The following TENM2 variants were observed in gnomAD, a reference collection of about 807,000 sequenced individuals.
The protein encoded by TENM2 is teneurin transmembrane protein 2.
TENM2 carries 52 observed loss-of-function variants against 245.2 expected under a neutral mutation model. That is an observed-to-expected ratio of 0.21 (90% CI 0.17 to 0.27). TENM2 has a LOEUF of 0.27. Ranked by LOEUF, TENM2 falls within the 10% of genes least tolerant of loss-of-function variation. The pLI, the probability that TENM2 is intolerant of heterozygous loss-of-function variation, is 1.00. For missense variants in TENM2, 3,046 were observed against 3,666.8 expected (o/e 0.83, Z 4.37); for synonymous variants, 1,363 against 1,438.9 (o/e 0.95, Z 1.19).
chr5:168,059,897 T>C (rs1316356967), intron 6 of TENM2, among the ~76,000 whole-genome samples: 2 of 152,136 alleles, frequency 1.3e-5, no homozygotes, highest in Admixed American at 6.5e-5. Context: ...TAAAACCTTA[T>C]AACAATCCTG....
intron 2 of TENM2, among the ~76,000 whole-genome samples, chr5:167,431,339 G>A (rs1482858877): frequency 1.3e-5 from 2 of 152,114 alleles, no homozygotes; most frequent in African/African-American, 4.8e-5. Context: ...CCATATTTAG[G>A]TTGATAGCAA....
intron 7 of TENM2, among the ~76,000 whole-genome samples, chr5:168,078,569 T>C (rs369215708): frequency 1.3e-5 from 2 of 152,148 alleles, no homozygotes; most frequent in Non-Finnish European, 2.9e-5. Flanking sequence ...TTAGGTCTAA[T>C]ATTTAAGTCT....
chr5:168,084,414 G>A (rs966052477), intron 7 of TENM2, among the ~76,000 whole-genome samples: 1 of 152,222 alleles, frequency 6.6e-6, no homozygotes, highest in Non-Finnish European at 1.5e-5. Flanking sequence ...AGCCATGCCA[G>A]CATGTTGTTT....
chr5:167,320,867 T>A (rs1245931617), intron 1 of TENM2, among the ~76,000 whole-genome samples: 3 of 152,200 alleles, frequency 2.0e-5, no homozygotes, highest in Non-Finnish European at 4.4e-5. Flanking sequence ...GACAACTTAT[T>A]TTTTATGGTT....
At chr5:167,741,863 T>C (rs913197773) in intron 2 of TENM2, among the ~76,000 whole-genome samples, 9 of 152,166 alleles carry the variant, frequency 5.9e-5, no homozygotes, top group Admixed American at 5.9e-4. Context: ...CACCTGTTAT[T>C]ATTTCTAGAA....
intron 2 of TENM2, among the ~76,000 whole-genome samples, chr5:167,629,432 T>C (rs759917875): frequency 2.6e-4 from 39 of 152,236 alleles, no homozygotes; most frequent in Non-Finnish European, 4.7e-4. Flanking sequence ...TTATTTATTA[T>C]GTCTATAAAA....
chr5:167,619,145 G>C (rs1243828822), intron 2 of TENM2, among the ~76,000 whole-genome samples: 2 of 151,896 alleles, frequency 1.3e-5, no homozygotes, highest in African/African-American at 4.8e-5. Flanking sequence ...TCTTTTGCTT[G>C]GTTTTTGTTT....
intron 2 of TENM2, among the ~76,000 whole-genome samples, chr5:167,653,010 T>C (rs117651560): frequency 1.3e-5 from 2 of 152,290 alleles, no homozygotes; most frequent in East Asian, 1.9e-4. Flanking sequence ...TTACTGCTTT[T>C]CATATATTAT....
intron 2 of TENM2, among the ~76,000 whole-genome samples, chr5:167,518,895 G>C (rs535395845): frequency 6.6e-6 from 1 of 152,258 alleles, no homozygotes; most frequent in South Asian, 2.1e-4. Context: ...AGAATCTTAT[G>C]TGTAGGCAGT....
At chr5:167,227,369 G>T in the TENM2 span, among the ~76,000 whole-genome samples, 1 of 152,126 alleles carries the variant, frequency 6.6e-6, no homozygotes, top group South Asian at 2.1e-4. Flanking sequence ...TTATACTTTT[G>T]TGTGTTTTCA....
chr5:167,703,005 C>G (rs1487994758), intron 2 of TENM2, among the ~76,000 whole-genome samples: 2 of 152,170 alleles, frequency 1.3e-5, no homozygotes, highest in African/African-American at 4.8e-5. Flanking sequence ...CACACACAAC[C>G]TCTCTCCCTC....
At chr5:168,248,396 G>A (rs962805539) in intron 27 of TENM2, 25 bp downstream of exon 29, 4 of 1,597,664 alleles carry the variant, frequency 2.5e-6, no homozygotes, top group Non-Finnish European at 2.6e-6. Context: ...ACCAAAGGTG[G>A]GCAGTGGCTC....
intron 1 of TENM2, among the ~76,000 whole-genome samples, chr5:167,307,440 A>G (rs1021437575): frequency 6.6e-6 from 1 of 152,170 alleles, no homozygotes; most frequent in Non-Finnish European, 1.5e-5. Context: ...GACAGATGCT[A>G]TTTCTCTGGA....
chr5:167,422,677 G>A (rs1763581711), intron 2 of TENM2, among the ~76,000 whole-genome samples: 3 of 152,140 alleles, frequency 2.0e-5, no homozygotes, highest in African/African-American at 7.2e-5. Context: ...TCTATTTGAT[G>A]TCTATTTCCA....
At chr5:168,191,114 C>A (rs1225520374) in intron 14 of TENM2, among the ~76,000 whole-genome samples, 1 of 152,180 alleles carries the variant, frequency 6.6e-6, no homozygotes, top group Non-Finnish European at 1.5e-5. Flanking sequence ...TGCATGCAAG[C>A]CATTGTGCCA....
chr5:167,187,131 A>T, the TENM2 span, among the ~76,000 whole-genome samples: 1 of 152,200 alleles, frequency 6.6e-6, no homozygotes, highest in Admixed American at 6.5e-5. Context: ...CAGTCATAAG[A>T]GATTGGTTCT....
At chr5:167,434,454 A>C (rs2127448490) in intron 2 of TENM2, among the ~76,000 whole-genome samples, 1 of 150,938 alleles carries the variant, frequency 6.6e-6, no homozygotes, top group African/African-American at 2.4e-5. Context: ...ATAATTTAAT[A>C]ATATAGGAAA....
intron 2 of TENM2, among the ~76,000 whole-genome samples, chr5:167,427,551 ACG>A (rs1763914209): frequency 7.4e-6 from 1 of 134,488 alleles, no homozygotes; most frequent in Non-Finnish European, 1.6e-5. Flanking sequence ...GAAGGGAAGG[ACG>A]GGAAGGAAGG....
intron 7 of TENM2, among the ~76,000 whole-genome samples, chr5:168,079,185 T>C (rs1217903339): frequency 1.4e-4 from 21 of 152,354 alleles, no homozygotes; most frequent in Middle Eastern, 3.4e-3. Context: ...TTATTCTCTT[T>C]GAAGCAATTG....
Sources: allele counts gnomAD v4.1 joint callset (sites outside exome capture counted in the v4.1 genomes callset), GRCh38; gene constraint gnomAD v4.1.1; transcripts MANE v1.5; gene names NCBI Gene and HGNC (gene_info 2026-07-23, HGNC 2026-07-21).